The following TRIM2 variants were observed in gnomAD, a reference collection of about 807,000 sequenced individuals.
TRIM2 encodes the protein tripartite motif containing 2, also known as tripartite motif-containing protein 2.
In TRIM2, 20 loss-of-function variants were observed where a neutral mutation model predicts 75.2. That is an observed-to-expected ratio of 0.27 (90% CI 0.19 to 0.39). The LOEUF is 0.39. Among genes scored for constraint, TRIM2 ranks in the 10% least tolerant of loss-of-function variants. The pLI, the probability that TRIM2 is intolerant of heterozygous loss-of-function variation, is 1.00. For synonymous variants in TRIM2, 373 were observed against 388.3 expected, an observed-to-expected ratio of 0.96 and a Z score of 0.46; for missense variants, 660 against 990.8, an observed-to-expected ratio of 0.67 and a Z score of 4.48.
At chr4:153,180,162 C>T (rs140899465) in intron 1 of TRIM2, among the ~76,000 whole-genome samples, 130 of 152,274 alleles carry the variant, frequency 8.5e-4, no homozygotes, top group Middle Eastern at 3.4e-3. Context: ...GCTAACTAAA[C>T]GGGCAGAATG....
chr4:153,158,364 T>C lies in TRIM2; in HGVS notation c.-49+5094T>C, dbSNP rs934941865. ...AATCCTATGAACTATAATTGGTTTG[T>C]AAAAACAATTTCATTGGAAATTTTA... On this transcript the variant is annotated intron_variant, in intron 1 of 11. Coordinates refer to the TRIM2 transcript ENST00000437508. Among the ~76,000 whole-genome samples, 23 of 152,364 alleles carry C rather than the reference T, an allele frequency of 1.5e-4. No individual in the cohort carries two copies. In the South Asian group the frequency reaches 4.6e-3, roughly 30 times the overall value.
chr4:153,257,457 C>T (rs1752344502), intron 1 of TRIM2: 1 of 1,241,872 alleles, frequency 8.1e-7, no homozygotes, highest in Admixed American at 2.7e-5. Context: ...AGGGGGTCTT[C>T]CACTTGTTAA....
intron 1 of TRIM2, among the ~76,000 whole-genome samples, chr4:153,176,706 G>T (rs10011853): frequency 0.36 from 54,805 of 151,798 alleles, 10,027 homozygotes; most frequent in East Asian, 0.45. Flanking sequence ...CACCTCCCAG[G>T]TTCAAGAGAT....
intron 1 of TRIM2, among the ~76,000 whole-genome samples, chr4:153,234,273 TCTCCC>T (rs1744431233): frequency 6.6e-6 from 1 of 152,158 alleles, no homozygotes; most frequent in Admixed American, 6.5e-5. Flanking sequence ...GTTGCTTGCA[TCTCCC>T]TTTATCCTTG....
At position 153,334,992 on chromosome 4, in the gene TRIM2, C is replaced by CATGGTCTTGCACT; in HGVS notation, c.*29_*41dup. ...TGGTGGGCAGGTGGATACCCGCTTC[C>CATGGTCTTGCACT]ATGGTCTTGCACTATAAACTGGAAT... On this transcript the variant is annotated 3_prime_UTR_variant, in exon 12 of 12. Transcript: ENST00000338700. 1 of 1,596,576 alleles carries CATGGTCTTGCACT rather than the reference C, an allele frequency of 6.3e-7. No individual in the cohort carries two copies.
At chr4:153,170,652 G>A (rs1034612377) in intron 1 of TRIM2, among the ~76,000 whole-genome samples, 3 of 152,168 alleles carry the variant, frequency 2.0e-5, no homozygotes, top group Non-Finnish European at 4.4e-5. Flanking sequence ...CTCCTCTTGG[G>A]AAATTTGCTG....
chr4:153,276,257 AT>A, intron 3 of TRIM2, 127 bp downstream of exon 3: 1 of 782,532 alleles, frequency 1.3e-6, no homozygotes. Context: ...ATTAAAAAAG[AT>A]TTTTACCAGC....
At chr4:153,266,307 C>T (rs1755048391) in intron 1 of TRIM2, among the ~76,000 whole-genome samples, 1 of 150,308 alleles carries the variant, frequency 6.7e-6, no homozygotes, top group South Asian at 2.1e-4. Flanking sequence ...GCAGCTGGGA[C>T]TATGTATGTG....
intron 11 of TRIM2, among the ~76,000 whole-genome samples, chr4:153,331,327 G>GA (rs1442422279): frequency 3.3e-5 from 5 of 149,932 alleles, no homozygotes; most frequent in African/African-American, 4.9e-5. Context: ...TGTCTCTTAA[G>GA]AAAAAACAAA....
At chr4:153,241,419 G>A (rs1180846378) in intron 1 of TRIM2, among the ~76,000 whole-genome samples, 1 of 152,220 alleles carries the variant, frequency 6.6e-6, no homozygotes, top group African/African-American at 2.4e-5. Context: ...CCCGATGGAG[G>A]TCACAGGTTT....
At chr4:153,250,309 G>A (rs571101132) in intron 1 of TRIM2, among the ~76,000 whole-genome samples, 1 of 152,026 alleles carries the variant, frequency 6.6e-6, no homozygotes, top group Admixed American at 6.5e-5. Flanking sequence ...TAGTAGTGAC[G>A]GGGTTTTGCC....
intron 10 of TRIM2, among the ~76,000 whole-genome samples, chr4:153,325,181 G>A (rs984107389): frequency 1.3e-5 from 2 of 152,174 alleles, no homozygotes; most frequent in Non-Finnish European, 1.5e-5. Flanking sequence ...TCTGCATCCT[G>A]GAGAGCCTCT....
At chr4:153,152,304 G>T (rs1015683404), upstream of TRIM2, 1 of 151,936 alleles carries the variant, frequency 6.6e-6, no homozygotes, top group Non-Finnish European at 1.5e-5. Context: ...TGGGCCTCGC[G>T]GGGAAGGGCT....
chr4:153,294,636 T>C (rs940053368), intron 5 of TRIM2, 151 bp downstream of exon 5: 1 of 872,198 alleles, frequency 1.1e-6, no homozygotes, highest in Admixed American at 3.5e-5. Context: ...AGCTATTTTT[T>C]CCCCTATTTT....
intron 1 of TRIM2, among the ~76,000 whole-genome samples, chr4:153,155,772 T>C (rs1729175136): frequency 6.6e-6 from 1 of 152,184 alleles, no homozygotes; most frequent in African/African-American, 2.4e-5. Context: ...GACTCCAAGA[T>C]TCTGACTTAA....
At chr4:153,225,841 A>G (rs531884904) in intron 1 of TRIM2, among the ~76,000 whole-genome samples, 1 of 152,162 alleles carries the variant, frequency 6.6e-6, no homozygotes, top group Admixed American at 6.5e-5. Flanking sequence ...GTAACGCTAT[A>G]TTATTTTTGC....
chr4:153,302,221 G>A (rs1764064231), intron 6 of TRIM2, among the ~76,000 whole-genome samples: 1 of 151,836 alleles, frequency 6.6e-6, no homozygotes, highest in Non-Finnish European at 1.5e-5. Context: ...TGTTGTTGTT[G>A]TTAGTTTTTT....
Position 153,322,640 on chromosome 4 carries a change from T to C in TRIM2, c.1783-8T>C. 1.9e-6 allele frequency: 3 copies of C among 1,613,124 alleles called. No individual in the cohort carries two copies. Among genetic ancestry groups the C allele is most frequent in the Non-Finnish European group, 2.5e-6 (3 of 1,179,236 alleles). On this transcript the variant is annotated splice_polypyrimidine_tract_variant and splice_region_variant and intron_variant, in intron 8 of 11. Transcript: ENST00000338700. ...CTGTACTTCTATTTCTGTACTTGTT[T>C]CAAACAGACAAAAATTGGATCAGGA...
At chr4:153,152,649 C>CTGGG (rs1307037831), upstream of TRIM2, 1 of 151,772 alleles carries the variant, frequency 6.6e-6, no homozygotes, top group Non-Finnish European at 1.5e-5. Flanking sequence ...GGGACAGACA[C>CTGGG]GAGTGTTGGT....
Sources: allele counts gnomAD v4.1 joint callset (sites outside exome capture counted in the v4.1 genomes callset), GRCh38; gene constraint gnomAD v4.1.1; transcripts MANE v1.5; gene names NCBI Gene and HGNC (gene_info 2026-07-23, HGNC 2026-07-21).